Variants in PPP4R4 observed in about 807,000 individuals in gnomAD.
The protein encoded by PPP4R4 is protein phosphatase 4 regulatory subunit 4, also known as serine/threonine-protein phosphatase 4 regulatory subunit 4.
In PPP4R4, 70 loss-of-function variants were observed where a neutral mutation model predicts 121.8. The ratio of observed to expected loss-of-function variants is 0.57; its 90% CI spans 0.47 to 0.70. The LOEUF (loss-of-function observed/expected upper bound fraction) is 0.70, where lower values mean the gene tolerates loss of function less well. PPP4R4 is among the 30% of genes least tolerant of loss of function. PPP4R4 has a pLI of 0.00. For synonymous variants in PPP4R4, 348 were observed against 355.7 expected (o/e 0.98, Z 0.24); for missense variants, 875 against 1,033.6 (o/e 0.85, Z 2.10).
intron 17 of PPP4R4, among the ~76,000 whole-genome samples, chr14:94,257,037 T>G (rs1893511504): frequency 2.0e-5 from 3 of 152,278 alleles, no homozygotes; most frequent in Admixed American, 2.0e-4. Flanking sequence ...AGAAGTTATA[T>G]GCCTAGAAAT....
At chr14:94,187,268 T>C (rs1369694211) in intron 2 of PPP4R4, among the ~76,000 whole-genome samples, 3 of 151,906 alleles carry the variant, frequency 2.0e-5, no homozygotes, top group South Asian at 2.1e-4. Context: ...ATCGCGCCAC[T>C]GTACTCCAGC....
At position 94,242,413 on chromosome 14, in the gene PPP4R4, G is replaced by C; in HGVS notation, c.1266+5G>C. ...ATTGCTATTTGCTTTTATGAAGTAAGTCTGAAGACTTGATATCACTTTACG... is the reference window on the plus strand; with the variant it reads ...ATTGCTATTTGCTTTTATGAAGTAACTCTGAAGACTTGATATCACTTTACG... On this transcript the variant is annotated splice_donor_5th_base_variant and intron_variant, in intron 11 of 24. Transcript: ENST00000304338. The C allele has an allele frequency of 6.2e-7, 1 of 1,606,684 alleles. No individual in the cohort carries two copies. The highest frequency in any genetic ancestry group is 8.5e-7 in the Non-Finnish European group (1 of 1,173,826).
chr14:94,176,298 C>G (rs548645614), intron 2 of PPP4R4, among the ~76,000 whole-genome samples, 171 bp downstream of exon 2: 1 of 152,284 alleles, frequency 6.6e-6, no homozygotes, highest in African/African-American at 2.4e-5. Context: ...TGGCTATGGA[C>G]TTATGACTTT....
intron 23 of PPP4R4, among the ~76,000 whole-genome samples, 173 bp from the exon 24 acceptor site, chr14:94,275,201 G>A (rs752366563): frequency 2.0e-5 from 3 of 152,128 alleles, no homozygotes; most frequent in Non-Finnish European, 4.4e-5. Context: ...GACTTCATGG[G>A]GGTGTACATA....
intron 21 of PPP4R4, 67 bp downstream of exon 21, chr14:94,265,540 GTCACTC>G: frequency 7.3e-7 from 1 of 1,365,148 alleles, no homozygotes; most frequent in Non-Finnish European, 1.0e-6. Flanking sequence ...TGCTGGGAAA[GTCACTC>G]TATTAGATGA....
At position 94,242,378 on chromosome 14, in the gene PPP4R4, C is replaced by A; in HGVS notation, c.1236C>A (p.Val412=). ...TTTGCCATGACCCTGAAGTACCAGT[C>A]AGATACACTATTGCTATTTGCTTTT... ...FCLCHDPEVP[V]RYTIAICFYE... Residue 412 remains valine (V), a synonymous_variant, in exon 11 of 25, where the codon GTC becomes GTA. Transcript: ENST00000304338. The A allele has an allele frequency of 6.2e-7, 1 of 1,610,400 alleles. No individual in the cohort carries two copies. The highest frequency in any genetic ancestry group is 8.5e-7 in the Non-Finnish European group (1 of 1,176,878).
chr14:94,181,470 A>G (rs1039706850), intron 2 of PPP4R4, among the ~76,000 whole-genome samples: 1 of 152,260 alleles, frequency 6.6e-6, no homozygotes, highest in Non-Finnish European at 1.5e-5. Context: ...TATTTTCAAC[A>G]TCAAATTTTA....
intron 23 of PPP4R4, among the ~76,000 whole-genome samples, chr14:94,268,397 T>G (rs894465527): frequency 6.6e-6 from 1 of 152,224 alleles, no homozygotes; most frequent in Non-Finnish European, 1.5e-5. Flanking sequence ...AGAATATTGA[T>G]TCAGAAGTGG....
At chr14:94,199,882 T>C (rs943589543) in intron 2 of PPP4R4, among the ~76,000 whole-genome samples, 1 of 152,138 alleles carries the variant, frequency 6.6e-6, no homozygotes, top group African/African-American at 2.4e-5. Context: ...GCCACTTGCG[T>C]CTCTGCCTGC....
At chr14:94,248,857 A>G (rs1446193583) in intron 14 of PPP4R4, among the ~76,000 whole-genome samples, 4 of 152,136 alleles carry the variant, frequency 2.6e-5, no homozygotes, top group Non-Finnish European at 5.9e-5. Flanking sequence ...TTGAATTATC[A>G]ATTTTCAGAG....
At chr14:94,231,634 C>T (rs930852503) in intron 5 of PPP4R4, among the ~76,000 whole-genome samples, 2 of 152,006 alleles carry the variant, frequency 1.3e-5, no homozygotes, top group African/African-American at 4.8e-5. Context: ...CATTACTTTC[C>T]TATATTTTTT....
At chr14:94,190,579 C>T (rs375173029) in intron 2 of PPP4R4, among the ~76,000 whole-genome samples, 17 of 151,660 alleles carry the variant, frequency 1.1e-4, no homozygotes, top group Middle Eastern at 3.4e-3. Flanking sequence ...TAAGCCTGGG[C>T]GATGCAGGGA....
chr14:94,216,188 A>T (rs1029076483), intron 3 of PPP4R4, among the ~76,000 whole-genome samples: 3 of 152,246 alleles, frequency 2.0e-5, no homozygotes, highest in Admixed American at 2.0e-4. Flanking sequence ...TAGGATATAG[A>T]AAGCTGCAAG....
chr14:94,199,675 C>A (rs1478587904), intron 2 of PPP4R4, among the ~76,000 whole-genome samples: 1 of 152,108 alleles, frequency 6.6e-6, no homozygotes, highest in East Asian at 1.9e-4. Context: ...GTAGTTTTCC[C>A]CTGGAGTCGG....
At position 94,232,137 on chromosome 14, in the gene PPP4R4, C is replaced by G. The variant is rs564252506; in HGVS notation, c.516+822C>G. ...TTAATTTTCAACATTGAACAGCATA[C>G]TCTTCTCTAAAGACTTTAAATAAAT... On this transcript the variant is annotated intron_variant, in intron 5 of 24. Transcript: ENST00000304338. 6.6e-5 allele frequency among the ~76,000 whole-genome samples: 10 copies of G among 152,216 alleles called. No homozygotes were observed. In the South Asian group the frequency reaches 1.7e-3, roughly 25 times the overall value.
intron 16 of PPP4R4, among the ~76,000 whole-genome samples, chr14:94,252,825 T>TA (rs1474109896): frequency 6.6e-6 from 1 of 152,242 alleles, no homozygotes; most frequent in East Asian, 1.9e-4. Flanking sequence ...GAAAGATGCA[T>TA]ATGTACCACT....
At chr14:94,227,651 A>G (rs1342625157) in intron 3 of PPP4R4, 3 of 1,127,144 alleles carry the variant, frequency 2.7e-6, no homozygotes, top group South Asian at 3.6e-5. Flanking sequence ...AGAGCTTCTC[A>G]TGTTCTTCCT....
intron 6 of PPP4R4, 77 bp downstream of exon 6, chr14:94,233,836 TTG>T: frequency 1.0e-6 from 1 of 968,524 alleles, no homozygotes. Flanking sequence ...AACAATATAT[TTG>T]TGTTATTTCA....
At chr14:94,188,884 G>A (rs1408749061) in intron 2 of PPP4R4, among the ~76,000 whole-genome samples, 1 of 151,876 alleles carries the variant, frequency 6.6e-6, no homozygotes, top group African/African-American at 2.4e-5. Flanking sequence ...CAATTAAAAA[G>A]GGTTAAAAAA....
Sources: gnomAD v4.1 joint callset for allele counts (sites outside exome capture counted in the v4.1 genomes callset) on GRCh38, gnomAD v4.1.1 for gene constraint, MANE v1.5 for transcripts, NCBI Gene and HGNC (gene_info 2026-07-23, HGNC 2026-07-21) for gene names.